Variants in CPNE3 observed in about 807,000 individuals in gnomAD.
CPNE3 encodes copine 3.
Under a neutral mutation model 63.9 loss-of-function variants are expected in CPNE3, and 68 were observed. The ratio of observed to expected loss-of-function variants is 1.06; its 90% CI spans 0.87 to 1.30. CPNE3 has a LOEUF of 1.30. Ranked by LOEUF, CPNE3 falls within the 50% of genes most tolerant of loss-of-function variation. The pLI is 0.00. For synonymous variants in CPNE3, 219 were observed against 197.5 expected (o/e 1.11, Z -0.91); for missense variants, 665 against 578.1 (o/e 1.15, Z -1.54).
At chr8:86,533,588 G>A (rs1365472406) in intron 6 of CPNE3, among the ~76,000 whole-genome samples, 2 of 151,058 alleles carry the variant, frequency 1.3e-5, no homozygotes, top group Non-Finnish European at 2.9e-5. Context: ...ATAGGCTGGG[G>A]ACTTTTTTTT....
At chr8:86,534,164 C>T (rs576252237) in intron 6 of CPNE3, among the ~76,000 whole-genome samples, 14 of 151,836 alleles carry the variant, frequency 9.2e-5, no homozygotes, top group Middle Eastern at 3.4e-3. Context: ...TGTCATTTAA[C>T]ATGTTTCTCT....
In CPNE3 at chr8:86,528,833, A is replaced by G; in HGVS notation, c.133-112A>G. 2.3e-6 allele frequency: 3 copies of G among 1,304,210 alleles called. No individual in the cohort carries two copies. The South Asian group carries it at 4.5e-5, about 20-fold the overall frequency. The allele number at this position is 1,304,210 out of a possible 1,614,324, so 80.8% of individuals were successfully genotyped here. On this transcript the variant is annotated intron_variant, in intron 3 of 16. Coordinates refer to ENST00000517490, the MANE Select transcript of CPNE3 (RefSeq NM_003909.5). ...ATTGTAGAATTTTTCATACACATAT[A>G]GAAACTTCCTTTAGTTGTCATGCCT...
intron 12 of CPNE3, among the ~76,000 whole-genome samples, chr8:86,549,123 A>C (rs1329930142): frequency 6.6e-6 from 1 of 152,092 alleles, no homozygotes; most frequent in African/African-American, 2.4e-5. Flanking sequence ...GTACAGAATA[A>C]AATTTCACTT....
chr8:86,537,346 C>T (rs766042323), intron 6 of CPNE3, among the ~76,000 whole-genome samples: 7 of 152,150 alleles, frequency 4.6e-5, no homozygotes, highest in Non-Finnish European at 8.8e-5. Flanking sequence ...GTATGATATA[C>T]AGGATTATGA....
chr8:86,519,970 C>G (rs970680225), intron 2 of CPNE3, among the ~76,000 whole-genome samples: 20 of 152,284 alleles, frequency 1.3e-4, no homozygotes, highest in Admixed American at 1.3e-3. Context: ...CCTCAGCCTC[C>G]CAAAGTGCTG....
intron 4 of CPNE3, among the ~76,000 whole-genome samples, chr8:86,529,780 A>G (rs769704232): frequency 6.6e-6 from 1 of 152,172 alleles, no homozygotes; most frequent in Non-Finnish European, 1.5e-5. Context: ...GACCATTTGC[A>G]TAGACTGAAG....
Position 86,560,717 on chromosome 8 carries a change from T to C in CPNE3, c.*2307T>C, listed in dbSNP as rs1166651619. On this transcript the variant is annotated 3_prime_UTR_variant, in exon 17 of 17. Coordinates refer to ENST00000517490, the MANE Select transcript of CPNE3 (RefSeq NM_003909.5). ...CTTTTTACAGTTTTGAATAAAAGCATTTACAATTTCTAAATTATCAGTTTT... is the reference window on the plus strand; with the variant it reads ...CTTTTTACAGTTTTGAATAAAAGCACTTACAATTTCTAAATTATCAGTTTT... 6.6e-6 allele frequency: 1 copy of C among 152,190 alleles called. No individual in the cohort carries two copies. Among genetic ancestry groups the C allele is most frequent in the Non-Finnish European group, 1.5e-5 (1 of 68,026 alleles). 9.4% of individuals were successfully genotyped at this position (152,190 alleles called of 1,614,324 possible).
At chr8:86,541,530 A>C (rs1820938303) in intron 8 of CPNE3, among the ~76,000 whole-genome samples, 1 of 151,884 alleles carries the variant, frequency 6.6e-6, no homozygotes, top group African/African-American at 2.4e-5. Flanking sequence ...ATGGCAAAAT[A>C]CTGTCTCTAC....
chr8:86,551,745 A>G (rs1180635035), intron 14 of CPNE3, among the ~76,000 whole-genome samples: 1 of 152,214 alleles, frequency 6.6e-6, no homozygotes, highest in Non-Finnish European at 1.5e-5. Context: ...AAAGGAACAA[A>G]GAATTGATCT....
chr8:86,532,469 C>G, intron 5 of CPNE3, 40 bp from the exon 6 acceptor site: 1 of 1,522,620 alleles, frequency 6.6e-7, no homozygotes, highest in Non-Finnish European at 9.0e-7. Flanking sequence ...ATCAGAATTC[C>G]TAAAACATAT....
At chr8:86,540,514 G>A (rs927004494) in intron 8 of CPNE3, among the ~76,000 whole-genome samples, 180 bp downstream of exon 8, 2 of 152,278 alleles carry the variant, frequency 1.3e-5, no homozygotes, top group South Asian at 2.1e-4. Context: ...CACAGTTTGA[G>A]GAGTAGGCAT....
At position 86,535,263 on chromosome 8, in the gene CPNE3, G is replaced by A. The variant is rs370996521; in HGVS notation, c.460-2300G>A. 9.9e-5 allele frequency among the ~76,000 whole-genome samples: 15 copies of A among 151,794 alleles called. No homozygotes were observed. In the East Asian group the frequency reaches 1.2e-3, roughly 12 times the overall value. The stretch of plus-strand genomic sequence containing the variant: ...TCCACTGCTAGGGGTACTCACTGTT[G>A]TGGGTTATTGTCATTCATGGTTTCT... On this transcript the variant is annotated intron_variant, in intron 6 of 16. Coordinates refer to ENST00000517490, the MANE Select transcript of CPNE3 (RefSeq NM_003909.5).
chr8:86,521,710 C>T (rs1215299937), intron 2 of CPNE3: 1 of 152,060 alleles, frequency 6.6e-6, no homozygotes, highest in Non-Finnish European at 1.5e-5. Context: ...GCTTTGTGAT[C>T]CCATGTAAGT....
At chr8:86,557,968 A>T (rs1585930314) in intron 16 of CPNE3, among the ~76,000 whole-genome samples, 1 of 152,326 alleles carries the variant, frequency 6.6e-6, no homozygotes, top group East Asian at 1.9e-4. Context: ...TGTAAAAAAA[A>T]GTAAAAAAAA....
intron 15 of CPNE3, among the ~76,000 whole-genome samples, chr8:86,555,597 T>C (rs944699657): frequency 9.9e-5 from 15 of 152,252 alleles, no homozygotes; most frequent in African/African-American, 3.6e-4. Context: ...AACATTTTAC[T>C]GCTCTCTGAA....
At chr8:86,520,316 G>A (rs564340008) in intron 2 of CPNE3, among the ~76,000 whole-genome samples, 2 of 152,234 alleles carry the variant, frequency 1.3e-5, no homozygotes, top group East Asian at 3.9e-4. Context: ...AGGCCAAGGT[G>A]GGCAGATTAC....
At chr8:86,520,771 G>T (rs2131422315) in intron 2 of CPNE3, among the ~76,000 whole-genome samples, 1 of 147,856 alleles carries the variant, frequency 6.8e-6, no homozygotes, top group African/African-American at 2.5e-5. Context: ...TGATTCTCCT[G>T]CCTCAGCCTT....
intron 4 of CPNE3, among the ~76,000 whole-genome samples, chr8:86,529,785 C>A (rs1395679282): frequency 2.0e-5 from 3 of 152,092 alleles, no homozygotes; most frequent in African/African-American, 2.4e-5. Flanking sequence ...TTTGCATAGA[C>A]TGAAGAAAGT....
At position 86,525,659 on chromosome 8, in the gene CPNE3, T is replaced by C. The variant is rs150186648; in HGVS notation, c.-10-2877T>C. Among the ~76,000 whole-genome samples, 526 of 152,364 alleles carry C rather than the reference T, an allele frequency of 3.5e-3. 6 individuals are homozygous for C. The highest frequency in any genetic ancestry group is 0.012 in the African/African-American group (496 of 41,590). Reference sequence around the variant, plus strand: ...GGAAAAAAATAATGCTCTTCTGATATGTGGTGTCTCTTTGCTGTGAGACTG... The same window carrying C: ...GGAAAAAAATAATGCTCTTCTGATACGTGGTGTCTCTTTGCTGTGAGACTG... On this transcript the variant is annotated intron_variant, in intron 2 of 16. Coordinates refer to ENST00000517490, the MANE Select transcript of CPNE3 (RefSeq NM_003909.5).
Sources: gnomAD v4.1 joint callset for allele counts (sites outside exome capture counted in the v4.1 genomes callset) on GRCh38, gnomAD v4.1.1 for gene constraint, MANE v1.5 for transcripts, NCBI Gene and HGNC (gene_info 2026-07-23, HGNC 2026-07-21) for gene names.